USH2A: variants seen among roughly 807,000 people sequenced by gnomAD.
USH2A encodes usherin.
Under a neutral mutation model 538.9 loss-of-function variants are expected in USH2A, and 443 were observed. The ratio of observed to expected loss-of-function variants is 0.82; its 90% CI spans 0.76 to 0.89. USH2A has a LOEUF of 0.89. Among genes scored for constraint, USH2A ranks in the 40% least tolerant of loss-of-function variants. The probability of loss-of-function intolerance (pLI) is 0.00; values close to 1 mark genes in which losing one functional copy is unlikely to be tolerated. For synonymous variants in USH2A, 2,413 were observed against 2,273.5 expected, an observed-to-expected ratio of 1.06 and a Z score of -1.75; for missense variants, 6,633 against 6,324.8, an observed-to-expected ratio of 1.05 and a Z score of -1.65.
At chr1:216,291,264 G>T (rs574396300) in intron 10 of USH2A, among the ~76,000 whole-genome samples, 1 of 151,980 alleles carries the variant, frequency 6.6e-6, no homozygotes, top group Non-Finnish European at 1.5e-5. Flanking sequence ...TTTTTCAAAC[G>T]TGTCATTTTT....
intron 59 of USH2A, among the ~76,000 whole-genome samples, chr1:215,742,139 C>T (rs73088867): frequency 0.048 from 7,368 of 152,174 alleles, 328 homozygotes; most frequent in African/African-American, 0.11. Flanking sequence ...AACAAAAATG[C>T]CATGGTCTAT....
intron 60 of USH2A, among the ~76,000 whole-genome samples, chr1:215,737,645 A>C (rs1291738852): frequency 2.0e-5 from 3 of 151,934 alleles, no homozygotes; most frequent in African/African-American, 7.2e-5. Context: ...AGATATGTAC[A>C]TGTATGGATA....
intron 21 of USH2A, among the ~76,000 whole-genome samples, chr1:216,169,978 C>T (rs2034246383): frequency 6.6e-6 from 1 of 151,714 alleles, no homozygotes; most frequent in African/African-American, 2.4e-5. Context: ...CGCTTTCTGT[C>T]AAAATACTTG....
chr1:216,078,037 C>T lies in USH2A; in HGVS notation c.5572+52G>A, dbSNP rs944943866. ...TCTTGAAACACAGAACCACCAAAAA[C>T]TGTTAGCACCAGGGCTGTATGGATT... is the stretch of plus-strand genomic sequence containing the variant. On this transcript the variant is annotated intron_variant, in intron 27 of 71. Transcript: ENST00000307340. The T allele has an allele frequency of 2.5e-6, 4 of 1,611,284 alleles. No individual in the cohort carries two copies. In the African/African-American group the frequency reaches 5.3e-5, roughly 22 times the overall value.
intron 2 of USH2A, 114 bp downstream of exon 2, chr1:216,421,738 A>C: frequency 2.0e-6 from 3 of 1,527,412 alleles, no homozygotes; most frequent in Non-Finnish European, 2.7e-6. Context: ...GTTAGTCTTC[A>C]ATACCATGAA....
chr1:216,255,934 T>C (rs1342662456), intron 11 of USH2A, among the ~76,000 whole-genome samples: 1 of 152,182 alleles, frequency 6.6e-6, no homozygotes, highest in African/African-American at 2.4e-5. Context: ...TAAGAATTGT[T>C]ATGTCCTATT....
intron 47 of USH2A, among the ~76,000 whole-genome samples, chr1:215,820,790 T>A (rs1168716950): frequency 6.6e-6 from 1 of 151,690 alleles, no homozygotes; most frequent in African/African-American, 2.4e-5. Flanking sequence ...ACTCTCTACC[T>A]TCATGAGGTT....
intron 15 of USH2A, among the ~76,000 whole-genome samples, chr1:216,212,258 T>C (rs770390234): frequency 7.2e-5 from 11 of 152,202 alleles, no homozygotes; most frequent in Non-Finnish European, 1.2e-4. Context: ...CAATCTTGTC[T>C]GACTCCACAG....
chr1:215,714,430 G>T (rs1659425299), intron 61 of USH2A, among the ~76,000 whole-genome samples: 1 of 152,124 alleles, frequency 6.6e-6, no homozygotes. Context: ...GGCAGAAGAT[G>T]CTCTAGTCAA....
intron 44 of USH2A, among the ~76,000 whole-genome samples, chr1:215,861,249 C>T (rs754485856): frequency 1.3e-5 from 2 of 152,162 alleles, no homozygotes; most frequent in Non-Finnish European, 2.9e-5. Flanking sequence ...CCAGAGAAAA[C>T]TGTATTTAAA....
intron 21 of USH2A, among the ~76,000 whole-genome samples, chr1:216,173,030 C>T (rs2034301063): frequency 6.6e-6 from 1 of 152,094 alleles, no homozygotes; most frequent in Non-Finnish European, 1.5e-5. Context: ...CTCTTTTCCT[C>T]CTGTACTACG....
intron 36 of USH2A, among the ~76,000 whole-genome samples, chr1:215,967,414 A>G (rs1667375183): frequency 6.6e-6 from 1 of 152,080 alleles, no homozygotes; most frequent in Non-Finnish European, 1.5e-5. Context: ...TGATCCACCC[A>G]CTTTGACCTC....
chr1:216,027,867 A>G (rs1252918088), intron 32 of USH2A, among the ~76,000 whole-genome samples: 1 of 152,230 alleles, frequency 6.6e-6, no homozygotes, highest in Non-Finnish European at 1.5e-5. Flanking sequence ...AATATAGTTA[A>G]TAGTTTAATG....
chr1:215,626,491 C>T (rs1412429300), intron 71 of USH2A, among the ~76,000 whole-genome samples: 1 of 151,856 alleles, frequency 6.6e-6, no homozygotes, highest in Middle Eastern at 3.2e-3. Flanking sequence ...TATTTGTGCT[C>T]CATTTCTTCC....
At chr1:216,151,092 C>A (rs2033822522) in intron 21 of USH2A, among the ~76,000 whole-genome samples, 1 of 152,124 alleles carries the variant, frequency 6.6e-6, no homozygotes, top group Admixed American at 6.5e-5. Flanking sequence ...CCGAAAATAA[C>A]AGTGAAAGGT....
intron 68 of USH2A, 63 bp from the exon 69 acceptor site, chr1:215,639,301 C>G (rs540925156): frequency 7.2e-5 from 109 of 1,510,588 alleles, no homozygotes; most frequent in Non-Finnish European, 9.6e-5. Flanking sequence ...AGGGCACATG[C>G]TTTTAAAAGA....
intron 9 of USH2A, among the ~76,000 whole-genome samples, chr1:216,297,521 C>G (rs2037131149): frequency 6.6e-6 from 1 of 151,794 alleles, no homozygotes; most frequent in Admixed American, 6.6e-5. Flanking sequence ...CATGCTCAAA[C>G]CTGAAAGTCA....
rs145715522 is a variant in USH2A at position 215,699,153 on chromosome 1, C to T, written c.12067-18777G>A. On this transcript the variant is annotated intron_variant, in intron 61 of 71. Transcript: ENST00000307340. ...TAGATGTATGTTGTTACTTCTGAGG[C>T]CTCTGTTCTGTTTCATTGGTCTATA... Among the ~76,000 whole-genome samples, 790 of 152,054 alleles carry T rather than the reference C, an allele frequency of 5.2e-3. 7 individuals carry two copies. Among genetic ancestry groups the T allele is most frequent in the African/African-American group, 0.018 (751 of 41,494 alleles).
In USH2A at chr1:215,878,977, T is replaced by A; in HGVS notation, c.8345A>T (p.His2782Leu). 1.2e-6 allele frequency: 2 copies of A among 1,614,064 alleles called. No homozygotes were observed. Among genetic ancestry groups the A allele is most frequent in the Non-Finnish European group, 1.7e-6 (2 of 1,179,966 alleles). Reference sequence around the variant, plus strand: ...AGAATAATTAGTGAAAGGAATCAGATGAGTAACTTTTTGACTTAACACTGC... The same window carrying A: ...AGAATAATTAGTGAAAGGAATCAGAAGAGTAACTTTTTGACTTAACACTGC... ...TSAVLSQKVT[H>L]LIPFTNYSVT... Residue 2782 changes from histidine (H) to leucine (L), a missense_variant, in exon 42 of 72, where the codon CAT (histidine) becomes CTT (leucine). Coordinates refer to ENST00000307340, the MANE Select transcript of USH2A (RefSeq NM_206933.4).
Sources: gnomAD v4.1 joint callset for allele counts (sites outside exome capture counted in the v4.1 genomes callset) on GRCh38, gnomAD v4.1.1 for gene constraint, MANE v1.5 for transcripts, NCBI Gene and HGNC (gene_info 2026-07-23, HGNC 2026-07-21) for gene names.